HEATR5A: variants seen among roughly 807,000 people sequenced by gnomAD.
HEATR5A encodes HEAT repeat containing 5A.
A neutral mutation model predicts 218.8 loss-of-function variants in HEATR5A; 178 were observed. That is an observed-to-expected ratio of 0.81 (90% CI 0.72 to 0.92). The LOEUF is 0.92. HEATR5A is among the 40% of genes least tolerant of loss of function. The pLI, the probability that HEATR5A is intolerant of heterozygous loss-of-function variation, is 0.00. For missense variants in HEATR5A, 2,420 were observed against 2,418.9 expected (o/e 1.00, Z -0.01); for synonymous variants, 864 against 871.6 (o/e 0.99, Z 0.15).
intron 16 of HEATR5A, among the ~76,000 whole-genome samples, chr14:31,354,437 C>A (rs534992070): frequency 6.6e-6 from 1 of 152,046 alleles, no homozygotes; most frequent in African/African-American, 2.4e-5. Flanking sequence ...CTTCTGCCCC[C>A]CAATCCTGAA....
chr14:31,307,554 CAGGTATAT>C (rs1899593898), intron 30 of HEATR5A, among the ~76,000 whole-genome samples: 1 of 152,108 alleles, frequency 6.6e-6, no homozygotes, highest in African/African-American at 2.4e-5. Flanking sequence ...ATATAAGATA[CAGGTATAT>C]ACACAAAAAG....
intron 1 of HEATR5A, among the ~76,000 whole-genome samples, chr14:31,404,349 A>C (rs902561507): frequency 2.0e-5 from 3 of 152,230 alleles, no homozygotes; most frequent in African/African-American, 7.2e-5. Flanking sequence ...AACAAACCTC[A>C]TACTTTTACA....
chr14:31,389,341 T>C (rs1399469769), intron 6 of HEATR5A, among the ~76,000 whole-genome samples: 1 of 152,178 alleles, frequency 6.6e-6, no homozygotes, highest in Non-Finnish European at 1.5e-5. Flanking sequence ...CAAATGAAAA[T>C]GCTATACAAT....
intron 11 of HEATR5A, among the ~76,000 whole-genome samples, chr14:31,376,488 C>A (rs1250315269): frequency 6.6e-6 from 1 of 152,142 alleles, no homozygotes; most frequent in Non-Finnish European, 1.5e-5. Flanking sequence ...TGCAACAGAA[C>A]AAGATCCTTT....
intron 13 of HEATR5A, among the ~76,000 whole-genome samples, chr14:31,369,830 A>AGGCAGAAGAATC (rs1901963366): frequency 6.6e-6 from 1 of 151,640 alleles, no homozygotes; most frequent in Non-Finnish European, 1.5e-5. Flanking sequence ...CAGGAAGCTG[A>AGGCAGAAGAATC]GGCAGAAGAA....
rs141701706 is a variant in HEATR5A, at chr14:31,334,334, T to C, written c.3367+3142A>G. The C allele has an allele frequency of 3.9e-3, 1,631 of 421,126 alleles. 21 individuals carry two copies. Among genetic ancestry groups the C allele is most frequent in the African/African-American group, 0.03 (1,434 of 48,348 alleles). 26.1% of individuals were successfully genotyped at this position (421,126 alleles called of 1,614,324 possible). A position where few individuals can be genotyped will look rare whatever the true frequency, so the allele number is the denominator to read the frequency against. On this transcript the variant is annotated intron_variant, in intron 22 of 35. Coordinates refer to ENST00000543095, the MANE Select transcript of HEATR5A (RefSeq NM_015473.4). ...TGTCTTATTTAAAAAATACATTTTATAAGGCTACAGCTGCCACAGACGGAT... is the reference window on the plus strand; with the variant it reads ...TGTCTTATTTAAAAAATACATTTTACAAGGCTACAGCTGCCACAGACGGAT...
In HEATR5A at chr14:31,304,997, G is replaced by C. The variant is rs188148087; in HGVS notation, c.5147C>G (p.Thr1716Arg). ...KLTGSPGVKA[T>R]KPQILLEDGS... ...ATCTTCTAATAGTATCTGTGGCTTC[G>C]TAGCTTTTACTCCTGGGCTACCTGT... Residue 1716 changes from threonine to arginine, a missense_variant, in exon 32 of 36, where the codon ACG becomes AGG. By Grantham distance (71) the Thr-to-Arg change is moderately conservative. Transcript: ENST00000543095. 6,453 of 1,613,918 alleles carry C rather than the reference G, an allele frequency of 4.0e-3. 17 individuals carry two copies. Among genetic ancestry groups the C allele is most frequent in the Non-Finnish European group, 4.3e-3 (5,089 of 1,179,866 alleles).
At chr14:31,298,394 A>G (rs1899258944) in intron 33 of HEATR5A, among the ~76,000 whole-genome samples, 1 of 152,200 alleles carries the variant, frequency 6.6e-6, no homozygotes, top group African/African-American at 2.4e-5. Flanking sequence ...AACAACAACA[A>G]CAAAACACAA....
chr14:31,359,078 A>C, intron 14 of HEATR5A, 21 bp from the exon 15 acceptor site: 3 of 1,590,420 alleles, frequency 1.9e-6, no homozygotes, highest in Middle Eastern at 3.3e-4. Context: ...ACAGAAAAAG[A>C]GCAATTAGTA....
chr14:31,394,251 TA>T (rs1310119535), intron 5 of HEATR5A, 25 bp from the exon 6 acceptor site: 1 of 1,383,432 alleles, frequency 7.2e-7, no homozygotes, highest in Non-Finnish European at 9.5e-7. Flanking sequence ...AAAGAGAAAT[TA>T]ATGAAAAATA....
At chr14:31,352,454 C>T (rs896175002) in intron 16 of HEATR5A, among the ~76,000 whole-genome samples, 1 of 152,082 alleles carries the variant, frequency 6.6e-6, no homozygotes, top group African/African-American at 2.4e-5. Context: ...ATCCCTAAGT[C>T]CTTTAAAACT....
At chr14:31,399,044 G>A (rs1479486894) in intron 3 of HEATR5A, among the ~76,000 whole-genome samples, 1 of 152,106 alleles carries the variant, frequency 6.6e-6, no homozygotes, top group Non-Finnish European at 1.5e-5. Context: ...TTTTTCCTAT[G>A]AGTTTTACAG....
At chr14:31,398,616 G>T in intron 4 of HEATR5A, 57 bp downstream of exon 4, 2 of 908,356 alleles carry the variant, frequency 2.2e-6, no homozygotes. Context: ...GCTCAGGAAA[G>T]CATAAACCAA....
rs1901159879 is a variant in HEATR5A at position 31,349,877 on chromosome 14, A to C, written c.2620T>G (p.Cys874Gly). 4.3e-6 allele frequency: 7 copies of C among 1,612,596 alleles called. No homozygotes were observed. Among genetic ancestry groups the C allele is most frequent in the Non-Finnish European group, 5.9e-6 (7 of 1,178,886 alleles). ...ALESPNPLLRCAAAESWARLA... is the reference protein window; with the variant it reads ...ALESPNPLLRGAAAESWARLA... ...CTAGCCCATGACTCTGCAGCTGCACATCTCAGCAAGGGGTTGGGGCTTTCT... is the reference window on the plus strand; with the variant it reads ...CTAGCCCATGACTCTGCAGCTGCACCTCTCAGCAAGGGGTTGGGGCTTTCT... The change falls in exon 18 of 36, where the codon TGT (cysteine) becomes GGT (glycine). Residue 874 changes from cysteine (C) to glycine (G), a missense_variant. Cys to Gly is a radical substitution (Grantham distance 159, BLOSUM62 -3). Coordinates refer to ENST00000543095, the MANE Select transcript of HEATR5A (RefSeq NM_015473.4).
At chr14:31,345,348 CTT>C in intron 19 of HEATR5A, 72 bp from the exon 20 acceptor site, 1 of 1,217,490 alleles carries the variant, frequency 8.2e-7, no homozygotes, top group Non-Finnish European at 1.1e-6. Flanking sequence ...TTAACTTGTT[CTT>C]TTGTTGAAGC....
chr14:31,372,046 G>T, intron 12 of HEATR5A, 137 bp from the exon 13 acceptor site: 4 of 495,246 alleles, frequency 8.1e-6, no homozygotes, highest in East Asian at 3.4e-5. Context: ...TGAAACTCTA[G>T]TATAAAAAGG....
rs115912989 is a variant in HEATR5A at position 31,384,077 on chromosome 14, T to C, written c.1346-306A>G. On this transcript the variant is annotated intron_variant, in intron 9 of 35. Transcript: ENST00000543095. ...ATTTCCTAAATAAGCCAATCTCTTA[T>C]TTAGCTTCAGATCAATTATTAATTT... is the stretch of plus-strand genomic sequence containing the variant. Among the ~76,000 whole-genome samples, 1,506 of 152,312 alleles carry C rather than the reference T, an allele frequency of 9.9e-3. 20 individuals carry two copies. Among genetic ancestry groups the C allele is most frequent in the African/African-American group, 0.034 (1,430 of 41,574 alleles).
chr14:31,403,885 T>C (rs1204116476), intron 1 of HEATR5A, among the ~76,000 whole-genome samples: 2 of 152,172 alleles, frequency 1.3e-5, no homozygotes, highest in Non-Finnish European at 2.9e-5. Context: ...CATACAAATT[T>C]ATAAGATGGA....
chr14:31,345,760 G>C (rs1424783181), intron 19 of HEATR5A, among the ~76,000 whole-genome samples: 1 of 152,182 alleles, frequency 6.6e-6, no homozygotes. Flanking sequence ...GGTTATCCTT[G>C]GTGGGGGCAG....
Sources: allele counts gnomAD v4.1 joint callset (sites outside exome capture counted in the v4.1 genomes callset), GRCh38; gene constraint gnomAD v4.1.1; transcripts MANE v1.5; gene names NCBI Gene and HGNC (gene_info 2026-07-23, HGNC 2026-07-21).